Variants in AGBL4 observed in about 807,000 individuals in gnomAD.
The protein encoded by AGBL4 is cytosolic carboxypeptidase 6.
AGBL4 carries 58 observed loss-of-function variants against 66.4 expected under a neutral mutation model. That is an observed-to-expected ratio of 0.87 (90% CI 0.71 to 1.09). The LOEUF is 1.09. AGBL4 is among the 50% of genes least tolerant of loss of function. The pLI is 0.00. For missense variants in AGBL4, 579 were observed against 631.0 expected (o/e 0.92, Z 0.88); for synonymous variants, 234 against 222.9 (o/e 1.05, Z -0.44).
intron 5 of AGBL4, among the ~76,000 whole-genome samples, chr1:49,014,117 C>G (rs758890860): frequency 3.3e-5 from 5 of 152,236 alleles, no homozygotes; most frequent in South Asian, 2.1e-4. Flanking sequence ...CGTTCTTCCC[C>G]CTTCTCTCCA....
intron 3 of AGBL4, among the ~76,000 whole-genome samples, chr1:49,287,576 A>C (rs1318142323): frequency 5.3e-5 from 8 of 152,116 alleles, no homozygotes; most frequent in Admixed American, 5.2e-4. Flanking sequence ...CACTTCTCAA[A>C]AGAAGACATT....
intron 1 of AGBL4, among the ~76,000 whole-genome samples, chr1:49,882,137 A>C (rs1647403402): frequency 6.6e-6 from 1 of 151,936 alleles, no homozygotes; most frequent in Non-Finnish European, 1.5e-5. Context: ...CCATTTATTA[A>C]ATAGGGAATC....
chr1:48,751,807 C>A (rs1029260914), intron 6 of AGBL4, among the ~76,000 whole-genome samples: 1 of 152,152 alleles, frequency 6.6e-6, no homozygotes, highest in African/African-American at 2.4e-5. Context: ...TGGAGTTGTC[C>A]CTCAACCCCA....
At chr1:48,571,148 T>C (rs1359140173) in intron 11 of AGBL4, among the ~76,000 whole-genome samples, 2 of 152,224 alleles carry the variant, frequency 1.3e-5, no homozygotes, top group African/African-American at 2.4e-5. Context: ...TACCATTACT[T>C]GTATTCAACA....
chr1:49,288,778 G>GC (rs1644477405), intron 3 of AGBL4, among the ~76,000 whole-genome samples: 1 of 152,170 alleles, frequency 6.6e-6, no homozygotes, highest in Admixed American at 6.5e-5. Context: ...GAAGGGCTAT[G>GC]CCCTTGGAGT....
chr1:48,945,192 G>T (rs1656394670), intron 5 of AGBL4, among the ~76,000 whole-genome samples: 1 of 152,134 alleles, frequency 6.6e-6, no homozygotes, highest in Non-Finnish European at 1.5e-5. Flanking sequence ...CAAATCTTAG[G>T]TTTTAGTAGT....
intron 5 of AGBL4, among the ~76,000 whole-genome samples, chr1:48,966,760 G>A (rs1339640235): frequency 6.6e-6 from 1 of 151,884 alleles, no homozygotes; most frequent in Non-Finnish European, 1.5e-5. Context: ...GAATAGAAGA[G>A]GAATGTAATC....
intron 3 of AGBL4, among the ~76,000 whole-genome samples, chr1:49,452,984 T>C (rs965254010): frequency 6.6e-6 from 1 of 151,926 alleles, no homozygotes; most frequent in African/African-American, 2.4e-5. Flanking sequence ...TAGATGCTCA[T>C]GCCAGAAAAA....
At chr1:49,255,490 G>T (rs968968629) in intron 3 of AGBL4, among the ~76,000 whole-genome samples, 60 of 152,252 alleles carry the variant, frequency 3.9e-4, no homozygotes, top group Admixed American at 3.7e-3. Flanking sequence ...AGTCAGAATG[G>T]CTATCATTAA....
chr1:49,435,097 G>A (rs1423620500), intron 3 of AGBL4, among the ~76,000 whole-genome samples: 3 of 151,936 alleles, frequency 2.0e-5, no homozygotes, highest in Admixed American at 6.6e-5. Context: ...ACATCTTACC[G>A]AACCTTATAT....
chr1:49,947,947 C>A (rs1655372175), intron 1 of AGBL4, among the ~76,000 whole-genome samples: 1 of 21,882 alleles, frequency 4.6e-5, no homozygotes, highest in African/African-American at 2.0e-4. Context: ...TTTGCAATAG[C>A]TGCAATATAT....
At chr1:49,562,257 T>C (rs1441097456) in intron 3 of AGBL4, among the ~76,000 whole-genome samples, 4 of 152,134 alleles carry the variant, frequency 2.6e-5, no homozygotes, top group Non-Finnish European at 5.9e-5. Flanking sequence ...ATTCTGTAGG[T>C]TGCCTGTTCA....
chr1:49,553,999 C>T (rs988829228), intron 3 of AGBL4, among the ~76,000 whole-genome samples: 5 of 152,006 alleles, frequency 3.3e-5, no homozygotes, highest in Admixed American at 2.0e-4. Context: ...CCTTAGCTGG[C>T]GTTAGTGGTG....
chr1:49,643,536 T>C (rs1401667185), intron 3 of AGBL4, among the ~76,000 whole-genome samples: 1 of 151,614 alleles, frequency 6.6e-6, no homozygotes, highest in Non-Finnish European at 1.5e-5. Context: ...AAATATATCA[T>C]AAATTGCTTA....
rs570236837 is a variant in AGBL4 at position 48,807,811 on chromosome 1, G to A, written c.634+59380C>T. Among the ~76,000 whole-genome samples, 7 of 151,190 alleles carry A rather than the reference G, an allele frequency of 4.6e-5. No homozygotes were observed. In the South Asian group the frequency reaches 1.3e-3, roughly 27 times the overall value. On this transcript the variant is annotated intron_variant, in intron 6 of 13. Coordinates refer to ENST00000371839, the MANE Select transcript of AGBL4 (RefSeq NM_032785.4). The stretch of plus-strand genomic sequence containing the variant: ...CAGGAGTGCTCCATTGGTAACCCCC[G>A]AGTTGTGAAAGGATCTCTCCCTGTA...
chr1:49,948,013 TATAAATATATATAA>T (rs1468216627), intron 1 of AGBL4, among the ~76,000 whole-genome samples: 3 of 77,036 alleles, frequency 3.9e-5, no homozygotes, highest in East Asian at 3.7e-4. Flanking sequence ...TATATAAATA[TATAAATATATATAA>T]ATATATATAC....
At chr1:48,975,861 G>T (rs1659294850) in intron 5 of AGBL4, among the ~76,000 whole-genome samples, 1 of 152,132 alleles carries the variant, frequency 6.6e-6, no homozygotes, top group Non-Finnish European at 1.5e-5. Flanking sequence ...TGGCACGCTG[G>T]TATCAATCAG....
At chr1:48,528,228 C>T (rs988749637), downstream of AGBL4, among the ~76,000 whole-genome samples, 1 of 152,106 alleles carries the variant, frequency 6.6e-6, no homozygotes, top group Admixed American at 6.5e-5. Flanking sequence ...GGCAGACACA[C>T]CAAAGAGGCA....
At chr1:48,539,582 C>G (rs1170088284) in intron 12 of AGBL4, 60 bp downstream of exon 12, 1 of 1,327,080 alleles carries the variant, frequency 7.5e-7, no homozygotes. Context: ...AGGGAAGTTG[C>G]CCCTGAATAC....
Sources: allele counts gnomAD v4.1 joint callset (sites outside exome capture counted in the v4.1 genomes callset), GRCh38; gene constraint gnomAD v4.1.1; transcripts MANE v1.5; gene names NCBI Gene and HGNC (gene_info 2026-07-23, HGNC 2026-07-21).